Variants in BDNF observed in about 807,000 individuals in gnomAD.
BDNF encodes the protein neurotrophic factor BDNF precursor form.
Under a neutral mutation model 19.5 loss-of-function variants are expected in BDNF, and 1 was observed. That is an observed-to-expected ratio of 0.05 (90% CI 0.02 to 0.24). The LOEUF is 0.24. Ranked by LOEUF, BDNF falls within the 10% of genes least tolerant of loss-of-function variation. BDNF has a pLI of 1.00. For missense variants in BDNF, 195 were observed against 317.6 expected (o/e 0.61, Z 2.93); for synonymous variants, 100 against 121.6 (o/e 0.82, Z 1.17).
chr11:27,717,279 C>T (rs568117502), intron 1 of BDNF, among the ~76,000 whole-genome samples: 1 of 152,206 alleles, frequency 6.6e-6, no homozygotes, highest in Non-Finnish European at 1.5e-5. Context: ...TCCCCACTTA[C>T]TACCTTGAGC....
At chr11:27,670,060 G>T (rs563747334) in intron 1 of BDNF, among the ~76,000 whole-genome samples, 270 of 150,072 alleles carry the variant, frequency 1.8e-3, no homozygotes, top group African/African-American at 5.3e-3. Flanking sequence ...CCAAAACAGA[G>T]ATATAGACCA....
chr11:27,692,332 C>T (rs374630761), intron 1 of BDNF, among the ~76,000 whole-genome samples: 1 of 152,182 alleles, frequency 6.6e-6, no homozygotes, highest in South Asian at 2.1e-4. Context: ...GCCTTCCTAC[C>T]TTTCTTCCTT....
intron 1 of BDNF, chr11:27,674,085 AGTTT>A (rs1343482874): frequency 6.2e-7 from 1 of 1,609,544 alleles, no homozygotes; most frequent in South Asian, 1.1e-5. Context: ...TTCAGGGATC[AGTTT>A]GTTAAATTCC....
At chr11:27,664,302 GTTCA>G (rs1853950199) in intron 1 of BDNF, among the ~76,000 whole-genome samples, 1 of 151,882 alleles carries the variant, frequency 6.6e-6, no homozygotes. Flanking sequence ...ACTTCCTTTT[GTTCA>G]TTCATTCATC....
rs762051197 is a variant in BDNF, at chr11:27,656,108, C to G, written c.*1713G>C. ...TCTGGACAAGATTTCCTATGGGTCCCCTTGATCATTCGGCCTGAGTTTGGG... is the reference window on the plus strand; with the variant it reads ...TCTGGACAAGATTTCCTATGGGTCCGCTTGATCATTCGGCCTGAGTTTGGG... On this transcript the variant is annotated 3_prime_UTR_variant, in exon 2 of 2. Coordinates refer to ENST00000356660, the MANE Select transcript of BDNF (RefSeq NM_001709.5). 1 of 152,144 alleles carries G rather than the reference C, an allele frequency of 6.6e-6. No homozygotes were observed. The highest frequency in any genetic ancestry group is 1.5e-5 in the Non-Finnish European group (1 of 68,044). 9.4% of individuals were successfully genotyped at this position (152,144 alleles called of 1,614,324 possible).
At chr11:27,697,156 C>CAT (rs1214718714) in intron 1 of BDNF, among the ~76,000 whole-genome samples, 10 of 69,226 alleles carry the variant, frequency 1.4e-4, no homozygotes, top group Non-Finnish European at 3.8e-4. Context: ...CACACACACA[C>CAT]ACACACACAG....
In BDNF at chr11:27,656,779, A is replaced by AT. The variant is rs897912548; in HGVS notation, c.*1041dup. The AT allele has an allele frequency of 2.8e-5, 28 of 984,714 alleles. No homozygotes were observed. Among genetic ancestry groups the AT allele is most frequent in the Admixed American group, 2.5e-4 (4 of 16,210 alleles). 61.0% of individuals were successfully genotyped at this position (984,714 alleles called of 1,614,324 possible). A position where few individuals can be genotyped will look rare whatever the true frequency, so the allele number is the denominator to read the frequency against. On this transcript the variant is annotated 3_prime_UTR_variant, in exon 2 of 2. Coordinates refer to ENST00000356660, the MANE Select transcript of BDNF (RefSeq NM_001709.5). ...TCACTCCTCATAAAAAATAATCTTC[A>AT]TTTTGGGGTTATTTTTTGTTGTTTT...
chr11:27,714,110 G>A (rs1277335508), intron 1 of BDNF, among the ~76,000 whole-genome samples: 1 of 152,202 alleles, frequency 6.6e-6, no homozygotes, highest in East Asian at 1.9e-4. Context: ...GTGGGTGGCT[G>A]TGCCAATTGT....
chr11:27,698,014 T>G (rs970463887), intron 1 of BDNF: 1 of 152,068 alleles, frequency 6.6e-6, no homozygotes, highest in African/African-American at 2.4e-5. Flanking sequence ...ATGCTTTTAG[T>G]GTCATAATAC....
chr11:27,657,705 A>T lies in BDNF; in HGVS notation c.*116T>A, dbSNP rs2133778802. 1 of 1,513,678 alleles carries T rather than the reference A, an allele frequency of 6.6e-7. No individual in the cohort carries two copies. Among genetic ancestry groups the T allele is most frequent in the South Asian group, 1.3e-5 (1 of 77,364 alleles). 93.8% of individuals were successfully genotyped at this position (1,513,678 alleles called of 1,614,324 possible). ...CCACTGTACTGTATAAACTTCATTT[A>T]TACATGCAGTTCATAAAATTATTTT... On this transcript the variant is annotated 3_prime_UTR_variant, in exon 2 of 2. Transcript: ENST00000356660. The surrounding 1 kb of genome is among the most constrained non-coding windows in gnomAD (Gnocchi z 5.0).
Position 27,656,764 on chromosome 11 carries a change from T to A in BDNF, c.*1057A>T. On this transcript the variant is annotated 3_prime_UTR_variant, in exon 2 of 2. Transcript: ENST00000356660. ...GATTTACCCAAATGTTCACTCCTCATAAAAAATAATCTTCATTTTGGGGTT... is the reference window on the plus strand; with the variant it reads ...GATTTACCCAAATGTTCACTCCTCAAAAAAAATAATCTTCATTTTGGGGTT... 1 of 985,352 alleles carries A rather than the reference T, an allele frequency of 1.0e-6. No individual in the cohort carries two copies. Among genetic ancestry groups the A allele is most frequent in the Non-Finnish European group, 1.2e-6 (1 of 829,884 alleles). 61.0% of individuals were successfully genotyped at this position (985,352 alleles called of 1,614,324 possible). A position where few individuals can be genotyped will look rare whatever the true frequency, so the allele number is the denominator to read the frequency against.
chr11:27,704,539 C>T (rs553500938), upstream of BDNF, among the ~76,000 whole-genome samples: 3 of 151,906 alleles, frequency 2.0e-5, no homozygotes, highest in Admixed American at 1.3e-4. Flanking sequence ...TTCAGTATTC[C>T]TTGCAAGAAA....
At chr11:27,671,091 G>A (rs895281030) in intron 1 of BDNF, among the ~76,000 whole-genome samples, 6 of 152,056 alleles carry the variant, frequency 3.9e-5, no homozygotes, top group African/African-American at 1.4e-4. Context: ...CTCACTCATA[G>A]GTGGGAACTG....
chr11:27,709,749 A>G (rs1487183686), intron 1 of BDNF, among the ~76,000 whole-genome samples: 1 of 152,142 alleles, frequency 6.6e-6, no homozygotes, highest in East Asian at 1.9e-4. Context: ...ATAAATTGAG[A>G]GATCTACCAC....
intron 1 of BDNF, chr11:27,720,289 C>T: frequency 1.0e-6 from 1 of 977,388 alleles, no homozygotes; most frequent in African/African-American, 1.7e-5. Context: ...CTCCGGAAGA[C>T]AGTATCAAAA....
chr11:27,678,401 C>G (rs1160906441), intron 1 of BDNF, among the ~76,000 whole-genome samples: 1 of 152,184 alleles, frequency 6.6e-6, no homozygotes, highest in Non-Finnish European at 1.5e-5. Context: ...ATGAAATCTT[C>G]CAAAAGATGG....
chr11:27,711,793 A>G (rs1860338093), intron 1 of BDNF, among the ~76,000 whole-genome samples: 1 of 152,268 alleles, frequency 6.6e-6, no homozygotes, highest in Non-Finnish European at 1.5e-5. Flanking sequence ...AGTAAATGTC[A>G]TCCCACATCA....
At position 27,656,600 on chromosome 11, in the gene BDNF, A is replaced by G; in HGVS notation, c.*1221T>C. On this transcript the variant is annotated 3_prime_UTR_variant, in exon 2 of 2. Transcript: ENST00000356660. ...GCAATGCCAACTCCACATAGCCTCC[A>G]TTTGGCTGTTCAGTCTCATGTCACT... 2.0e-6 allele frequency: 2 copies of G among 985,670 alleles called. No individual in the cohort carries two copies. Among genetic ancestry groups the G allele is most frequent in the Non-Finnish European group, 2.4e-6 (2 of 829,934 alleles). 61.1% of individuals were successfully genotyped at this position (985,670 alleles called of 1,614,324 possible). A position where few individuals can be genotyped will look rare whatever the true frequency, so the allele number is the denominator to read the frequency against.
chr11:27,670,771 G>A (rs1396011604), intron 1 of BDNF, among the ~76,000 whole-genome samples: 6 of 152,208 alleles, frequency 3.9e-5, no homozygotes, highest in Admixed American at 3.3e-4. Flanking sequence ...GTGCTGGAAA[G>A]GATGTAGAGA....
Sources: allele counts gnomAD v4.1 joint callset (sites outside exome capture counted in the v4.1 genomes callset), GRCh38; gene constraint gnomAD v4.1.1; non-coding constraint Gnocchi (gnomAD v3.1); transcripts MANE v1.5; gene names NCBI Gene and HGNC (gene_info 2026-07-23, HGNC 2026-07-21).